Variants in MCF2L2 observed in about 807,000 individuals in gnomAD.
MCF2L2 encodes MCF.2 cell line derived transforming sequence-like 2.
Under a neutral mutation model 150.2 loss-of-function variants are expected in MCF2L2, and 102 were observed. That is an observed-to-expected ratio of 0.68 (90% CI 0.58 to 0.80). The LOEUF (loss-of-function observed/expected upper bound fraction) is 0.80. Ranked by LOEUF, MCF2L2 falls within the 30% of genes least tolerant of loss-of-function variation. The pLI, the probability that MCF2L2 is intolerant of heterozygous loss-of-function variation, is 0.00. For synonymous variants in MCF2L2, 465 were observed against 491.3 expected (o/e 0.95, Z 0.71); for missense variants, 1,256 against 1,372.8 (o/e 0.91, Z 1.34).
At chr3:183,393,354 C>T (rs1436744353) in intron 1 of MCF2L2, among the ~76,000 whole-genome samples, 1 of 151,860 alleles carries the variant, frequency 6.6e-6, no homozygotes, top group Non-Finnish European at 1.5e-5. Flanking sequence ...CCACCACGCC[C>T]GGCTAATTTT....
intron 3 of MCF2L2, among the ~76,000 whole-genome samples, chr3:183,351,083 G>GA (rs1420320812): frequency 1.3e-5 from 2 of 150,584 alleles, no homozygotes; most frequent in African/African-American, 2.4e-5. Flanking sequence ...CTGATATTCT[G>GA]AAAATCACTA....
chr3:183,270,779 A>C lies in MCF2L2; in HGVS notation c.1862+6093T>G. 1 of 1,614,002 alleles carries C rather than the reference A, an allele frequency of 6.2e-7. No homozygotes were observed. Among genetic ancestry groups the C allele is most frequent in the Non-Finnish European group, 8.5e-7 (1 of 1,179,984 alleles). On this transcript the variant is annotated intron_variant, in intron 15 of 29. Coordinates refer to ENST00000328913, the MANE Select transcript of MCF2L2 (RefSeq NM_015078.4). This position sits in a 1 kb window ranked among gnomAD's most constrained non-coding sequence, Gnocchi z 4.5. Reference sequence around the variant, plus strand: ...TGATGACATCTCATGGACACTTAGAAGATCTCCAGGACCTTTGGAAGAATG... The same window carrying C: ...TGATGACATCTCATGGACACTTAGACGATCTCCAGGACCTTTGGAAGAATG...
chr3:183,183,934 A>C (rs1024490387), intron 27 of MCF2L2, among the ~76,000 whole-genome samples: 34 of 151,988 alleles, frequency 2.2e-4, no homozygotes, highest in East Asian at 5.8e-4. Flanking sequence ...ACACACACAC[A>C]CCCCTCAGAA....
chr3:183,384,053 C>T (rs1315055081), intron 2 of MCF2L2, among the ~76,000 whole-genome samples: 2 of 152,242 alleles, frequency 1.3e-5, no homozygotes, highest in Non-Finnish European at 2.9e-5. Context: ...ATTCCTGAAC[C>T]TCCACATGGA....
Position 183,207,787 on chromosome 3 carries a change from C to G in MCF2L2, c.2533G>C (p.Gly845Arg), listed in dbSNP as rs146109625. The change falls in exon 23 of 30, where the codon GGC (glycine) becomes CGC (arginine). Residue 845 changes from glycine (G) to arginine (R), a missense_variant. Coordinates refer to ENST00000328913, the MANE Select transcript of MCF2L2 (RefSeq NM_015078.4). ...TGAATTGTCCAGACGCTGAAAGGGC[C>G]GTGCAGCAACAGCTTGCCTAGTTTT... Reference protein sequence around the residue: ...IGKLGKLLLHGPFSVWTIHKD... With the variant: ...IGKLGKLLLHRPFSVWTIHKD... 6.2e-7 allele frequency: 1 copy of G among 1,614,042 alleles called. No homozygotes were observed. Among genetic ancestry groups the G allele is most frequent in the African/African-American group, 1.3e-5 (1 of 74,920 alleles).
chr3:183,260,661 C>T (rs1289552734), intron 15 of MCF2L2, among the ~76,000 whole-genome samples: 6 of 151,224 alleles, frequency 4.0e-5, no homozygotes, highest in African/African-American at 1.2e-4. Flanking sequence ...TGAAATTCCC[C>T]GTCTTTACTT....
At chr3:183,261,466 G>GT (rs1300431774) in intron 15 of MCF2L2, among the ~76,000 whole-genome samples, 1 of 152,096 alleles carries the variant, frequency 6.6e-6, no homozygotes, top group Non-Finnish European at 1.5e-5. Flanking sequence ...AGTAATAAAA[G>GT]TTTAAATGTA....
intron 1 of MCF2L2, among the ~76,000 whole-genome samples, chr3:183,425,045 T>C (rs1716089028): frequency 6.6e-6 from 1 of 152,004 alleles, no homozygotes; most frequent in Non-Finnish European, 1.5e-5. Flanking sequence ...TAGAGTGTCG[T>C]GTTTGTTTGG....
At chr3:183,269,103 C>T (rs1726447838) in intron 15 of MCF2L2, among the ~76,000 whole-genome samples, 1 of 152,054 alleles carries the variant, frequency 6.6e-6, no homozygotes, top group Non-Finnish European at 1.5e-5. Flanking sequence ...ATTTTCTTTT[C>T]ATTGAAGATT....
chr3:183,239,474 T>A (rs975100791), intron 15 of MCF2L2, among the ~76,000 whole-genome samples: 5 of 146,198 alleles, frequency 3.4e-5, no homozygotes, highest in Admixed American at 6.9e-5. Flanking sequence ...AAAAAAAAAA[T>A]GCAATCCTTT....
At chr3:183,303,696 G>T (rs542428138) in intron 10 of MCF2L2, among the ~76,000 whole-genome samples, 84 of 152,204 alleles carry the variant, frequency 5.5e-4, no homozygotes, top group African/African-American at 1.9e-3. Flanking sequence ...GCTTCTCATG[G>T]GGACAACTGG....
intron 3 of MCF2L2, among the ~76,000 whole-genome samples, chr3:183,365,776 A>C (rs1230503917): frequency 6.6e-6 from 1 of 152,206 alleles, no homozygotes; most frequent in Non-Finnish European, 1.5e-5. Context: ...AAAATTCTTC[A>C]CGGCAAAAAA....
intron 5 of MCF2L2, among the ~76,000 whole-genome samples, chr3:183,330,099 G>A (rs1730206306): frequency 6.6e-6 from 1 of 151,196 alleles, no homozygotes; most frequent in South Asian, 2.1e-4. Flanking sequence ...AAAAAAATCA[G>A]CCGGGCATGG....
intron 4 of MCF2L2, 118 bp from the exon 5 acceptor site, chr3:183,339,037 A>C: frequency 2.1e-6 from 2 of 959,492 alleles, no homozygotes; most frequent in East Asian, 5.4e-5. Flanking sequence ...GTTAAAACGG[A>C]TGCCATGGAT....
intron 18 of MCF2L2, chr3:183,228,093 C>A: frequency 2.0e-6 from 1 of 502,366 alleles, no homozygotes; most frequent in Non-Finnish European, 3.6e-6. Flanking sequence ...AATCATTTCA[C>A]AGGGTGTAAG....
intron 15 of MCF2L2, chr3:183,276,670 A>C (rs1577015119): frequency 4.5e-6 from 2 of 447,194 alleles, no homozygotes; most frequent in East Asian, 6.9e-5. Flanking sequence ...GGTTTCTAAG[A>C]TGTCACTTTA....
Position 183,300,167 on chromosome 3 carries a change from T to C in MCF2L2, c.1143A>G (p.Ala381=). The C allele has an allele frequency of 1.2e-6, 2 of 1,608,694 alleles. No individual in the cohort carries two copies. The highest frequency in any genetic ancestry group is 2.2e-5 in the South Asian group (2 of 90,032). ...QEPLEKAQLL[A]LVGDQLIQSH... is the part of the protein sequence containing the mutation. Reference sequence around the variant, plus strand: ...TTTGGATGAGCTGGTCCCCAACCAGTGCCAGCAGCTGGGCCTTTTCCAGGG... The same window carrying C: ...TTTGGATGAGCTGGTCCCCAACCAGCGCCAGCAGCTGGGCCTTTTCCAGGG... The change falls in exon 11 of 30, where the codon GCA becomes GCG. Residue 381 remains alanine, a synonymous_variant. Transcript: ENST00000328913.
intron 13 of MCF2L2, among the ~76,000 whole-genome samples, chr3:183,292,257 G>T (rs1332307452): frequency 1.3e-5 from 2 of 152,030 alleles, no homozygotes; most frequent in African/African-American, 2.4e-5. Context: ...AAAACTGAAA[G>T]AATTTATTGC....
intron 27 of MCF2L2, among the ~76,000 whole-genome samples, chr3:183,184,955 T>C (rs2108629442): frequency 6.6e-6 from 1 of 152,138 alleles, no homozygotes. Flanking sequence ...TCTCGCTCTA[T>C]TGCCAGGCTG....
Sources: allele counts gnomAD v4.1 joint callset (sites outside exome capture counted in the v4.1 genomes callset), GRCh38; gene constraint gnomAD v4.1.1; non-coding constraint Gnocchi (gnomAD v3.1); transcripts MANE v1.5; gene names NCBI Gene and HGNC (gene_info 2026-07-23, HGNC 2026-07-21).